The following PDZD8 variants were observed in gnomAD, a reference collection of about 807,000 sequenced individuals.
PDZD8 encodes the protein PDZ domain-containing protein 8.
In PDZD8, 14 loss-of-function variants were observed where a neutral mutation model predicts 85.8. The observed-to-expected ratio is 0.16, with a 90% confidence interval of 0.11 to 0.26. The LOEUF is 0.26. Among genes scored for constraint, PDZD8 ranks in the 10% least tolerant of loss-of-function variants. The pLI, the probability that PDZD8 is intolerant of heterozygous loss-of-function variation, is 1.00. For missense variants in PDZD8, 1,197 were observed against 1,424.3 expected (o/e 0.84, Z 2.57); for synonymous variants, 592 against 568.6 (o/e 1.04, Z -0.59).
chr10:117,323,187 T>A (rs1844257402), intron 2 of PDZD8, among the ~76,000 whole-genome samples: 3 of 152,182 alleles, frequency 2.0e-5, no homozygotes, highest in Non-Finnish European at 2.9e-5. Flanking sequence ...AGCCTCCCAA[T>A]TAATTGGTAG....
chr10:117,308,458 G>A (rs1173170822), intron 3 of PDZD8, among the ~76,000 whole-genome samples: 3 of 151,988 alleles, frequency 2.0e-5, no homozygotes, highest in Admixed American at 6.6e-5. Context: ...GAACAAAAGA[G>A]GTCAATCAGG....
intron 3 of PDZD8, among the ~76,000 whole-genome samples, chr10:117,315,756 G>A (rs545845044): frequency 1.3e-5 from 2 of 151,956 alleles, no homozygotes; most frequent in East Asian, 1.9e-4. Context: ...GTTCTGTGGC[G>A]CTAACCAGGC....
Position 117,288,241 on chromosome 10 carries a change from G to A in PDZD8, c.1261+1945C>T, listed in dbSNP as rs542495329. Among the ~76,000 whole-genome samples, 422 of 152,094 alleles carry A rather than the reference G, an allele frequency of 2.8e-3. 2 individuals are homozygous for A. The highest frequency in any genetic ancestry group is 0.02 in the Middle Eastern group (6 of 294). On this transcript the variant is annotated intron_variant, in intron 4 of 4. Coordinates refer to ENST00000334464, the MANE Select transcript of PDZD8 (RefSeq NM_173791.5). ...TATACCCATATAAATGAATCAAAGCGATATAAAAATGTTTTGAAAAATATC... is the reference window on the plus strand; with the variant it reads ...TATACCCATATAAATGAATCAAAGCAATATAAAAATGTTTTGAAAAATATC...
intron 4 of PDZD8, among the ~76,000 whole-genome samples, chr10:117,288,870 A>G (rs1221923981): frequency 6.6e-6 from 1 of 152,232 alleles, no homozygotes; most frequent in African/African-American, 2.4e-5. Context: ...TTCACTCTGT[A>G]TACATTTATA....
chr10:117,313,466 T>A (rs1239556749), intron 3 of PDZD8, among the ~76,000 whole-genome samples: 1 of 152,142 alleles, frequency 6.6e-6, no homozygotes, highest in Non-Finnish European at 1.5e-5. Context: ...TTTCTATTAG[T>A]GCTGTTTTAA....
intron 1 of PDZD8, among the ~76,000 whole-genome samples, chr10:117,342,007 G>T (rs1288091028): frequency 6.6e-6 from 1 of 152,106 alleles, no homozygotes; most frequent in Non-Finnish European, 1.5e-5. Flanking sequence ...CCTCTCTCCA[G>T]ATGAAAAGAA....
Position 117,318,914 on chromosome 10 carries a change from G to A in PDZD8, c.1056C>T (p.Ser352=). The A allele has an allele frequency of 6.2e-7, 1 of 1,611,978 alleles. No homozygotes were observed. Among genetic ancestry groups the A allele is most frequent in the Non-Finnish European group, 8.5e-7 (1 of 1,178,664 alleles). Residue 352 remains serine, a synonymous_variant, in exon 3 of 5, where the codon AGC becomes AGT. Transcript: ENST00000334464. ...EANVHCTLEL[S]SSVWEEKQRS... Reference sequence around the variant, plus strand: ...TCTGTTTTTCTTCCCAAACACTACTGCTTAACTCAAGTGTGCAATGAACAT... The same window carrying A: ...TCTGTTTTTCTTCCCAAACACTACTACTTAACTCAAGTGTGCAATGAACAT...
At chr10:117,334,201 C>T (rs182098433) in intron 2 of PDZD8, among the ~76,000 whole-genome samples, 338 of 152,322 alleles carry the variant, frequency 2.2e-3, no homozygotes, top group Non-Finnish European at 2.9e-3. Context: ...ACTGCAGCTG[C>T]AGGCAGGGCA....
At chr10:117,347,419 C>T (rs1844727729) in intron 1 of PDZD8, among the ~76,000 whole-genome samples, 1 of 152,092 alleles carries the variant, frequency 6.6e-6, no homozygotes, top group African/African-American at 2.4e-5. Context: ...GAAGATGCCC[C>T]CTAGAGTTGT....
chr10:117,350,391 A>G (rs1267557833), intron 1 of PDZD8, among the ~76,000 whole-genome samples: 4 of 151,218 alleles, frequency 2.6e-5, no homozygotes, highest in Non-Finnish European at 5.9e-5. Flanking sequence ...CAGCCTCCCA[A>G]GTAGCTGGGA....
Position 117,290,167 on chromosome 10 carries a change from T to C in PDZD8, c.1261+19A>G, listed in dbSNP as rs1844732259. The C allele has an allele frequency of 1.2e-6, 2 of 1,605,640 alleles. No individual in the cohort carries two copies. On this transcript the variant is annotated intron_variant, in intron 4 of 4. Coordinates refer to ENST00000334464, the MANE Select transcript of PDZD8 (RefSeq NM_173791.5). ...GTTTATCTGTAAAGGTAAAGTATAA[T>C]GCATATTAGCATAATTACCTCCAAT...
Position 117,283,656 on chromosome 10 carries a change from C to A in PDZD8, c.3077G>T (p.Gly1026Val). 6.2e-7 allele frequency: 1 copy of A among 1,614,192 alleles called. No individual in the cohort carries two copies. Among genetic ancestry groups the A allele is most frequent in the South Asian group, 1.1e-5 (1 of 91,086 alleles). Residue 1026 changes from glycine to valine, a missense_variant, in exon 5 of 5, where the codon GGC becomes GTC. Gly to Val is a moderately radical substitution (Grantham distance 109). Around this residue, in one of 4 missense-constraint regions of PDZD8, gnomAD observed 418 missense variants for 571.1 expected, o/e 0.73. Transcript: ENST00000334464. ...VKEIGRDLYR[G>V]LPTEERIQKL... is the part of the protein sequence containing the mutation. ...CTGGATCCTTTCCTCTGTAGGCAAG[C>A]CCCTGTACAGATCACGACCAATTTC...
chr10:117,284,805 T>A lies in PDZD8; in HGVS notation c.1928A>T (p.Asp643Val), dbSNP rs1378909151. The A allele has an allele frequency of 1.2e-6, 2 of 1,614,238 alleles. No homozygotes were observed. The highest frequency in any genetic ancestry group is 3.3e-5 in the Admixed American group (2 of 60,028). Residue 643 changes from aspartate (D) to valine (V), a missense_variant, in exon 5 of 5, where the codon GAC (aspartate) becomes GTC (valine). Asp to Val is a radical substitution (Grantham distance 152). Around this residue, in one of 4 missense-constraint regions of PDZD8, gnomAD observed 263 missense variants for 261.9 expected, o/e 1.00. Transcript: ENST00000334464. Reference sequence around the variant, plus strand: ...AAATTGCTTAGGTGCAGCTGCATCGTCTATGGCATCCACATTTTTTGCTTG... The same window carrying A: ...AAATTGCTTAGGTGCAGCTGCATCGACTATGGCATCCACATTTTTTGCTTG... ...EKQAKNVDAI[D>V]DAAAPKQFLA... is the part of the protein sequence containing the mutation.
intron 3 of PDZD8, 54 bp from the exon 4 acceptor site, chr10:117,290,402 A>AG (rs1490618311): frequency 7.0e-7 from 1 of 1,429,940 alleles, no homozygotes; most frequent in African/African-American, 1.4e-5. Flanking sequence ...CTAGTAATAG[A>AG]GGAAAAAAAC....
intron 2 of PDZD8, among the ~76,000 whole-genome samples, chr10:117,328,821 T>A (rs994352324): frequency 6.6e-5 from 10 of 152,174 alleles, no homozygotes; most frequent in African/African-American, 9.7e-5. Flanking sequence ...TATAATTAAA[T>A]ATAATCCTCC....
At chr10:117,329,500 C>T (rs751778486) in intron 2 of PDZD8, among the ~76,000 whole-genome samples, 2 of 151,898 alleles carry the variant, frequency 1.3e-5, no homozygotes, top group African/African-American at 2.4e-5. Flanking sequence ...CAGACCTTGG[C>T]GATGACGTTG....
chr10:117,305,510 A>ACACACG (rs2133788425), intron 3 of PDZD8, among the ~76,000 whole-genome samples: 1 of 148,048 alleles, frequency 6.8e-6, no homozygotes, highest in South Asian at 2.2e-4. Context: ...ACACACACAC[A>ACACACG]CACACATATA....
At chr10:117,356,059 T>C (rs981396121) in intron 1 of PDZD8, among the ~76,000 whole-genome samples, 1 of 152,006 alleles carries the variant, frequency 6.6e-6, no homozygotes. Flanking sequence ...GAAAAGATAG[T>C]ATCTGGATCT....
At chr10:117,352,488 G>C (rs1269599367) in intron 1 of PDZD8, among the ~76,000 whole-genome samples, 1 of 152,132 alleles carries the variant, frequency 6.6e-6, no homozygotes, top group Non-Finnish European at 1.5e-5. Flanking sequence ...CAAAAAAGAA[G>C]ACAAAGGAAC....
Sources: gnomAD v4.1 joint callset for allele counts (sites outside exome capture counted in the v4.1 genomes callset) on GRCh38, gnomAD v4.1.1 for gene constraint, gnomAD v4.1.1 regional missense constraint, MANE v1.5 for transcripts, NCBI Gene and HGNC (gene_info 2026-07-23, HGNC 2026-07-21) for gene names.